Variants in PDE10A observed in about 807,000 individuals in gnomAD.
PDE10A encodes cAMP and cAMP-inhibited cGMP 3',5'-cyclic phosphodiesterase 10A.
Under a neutral mutation model 97.7 loss-of-function variants are expected in PDE10A, and 39 were observed. That is an observed-to-expected ratio of 0.40 (90% CI 0.31 to 0.52). The LOEUF (loss-of-function observed/expected upper bound fraction) is 0.52, where lower values mean the gene tolerates loss of function less well. Among genes scored for constraint, PDE10A ranks in the 20% least tolerant of loss-of-function variants. The probability of loss-of-function intolerance (pLI) is 0.56; values close to 1 mark genes in which losing one functional copy is unlikely to be tolerated. For synonymous variants in PDE10A, 371 were observed against 376.8 expected (o/e 0.98, Z 0.18); for missense variants, 731 against 1,047.8 (o/e 0.70, Z 4.17).
At chr6:165,478,408 GGA>G (rs928402371) in intron 3 of PDE10A, among the ~76,000 whole-genome samples, 7 of 152,230 alleles carry the variant, frequency 4.6e-5, no homozygotes, top group Admixed American at 2.6e-4. Flanking sequence ...ATGATGGGGG[GGA>G]GGGGGTTGGA....
intron 13 of PDE10A, among the ~76,000 whole-genome samples, chr6:165,412,194 G>A (rs1787911060): frequency 6.6e-6 from 1 of 151,916 alleles, no homozygotes; most frequent in Admixed American, 6.6e-5. Context: ...TTATCTTAGG[G>A]TAATTAATAA....
intron 1 of PDE10A, among the ~76,000 whole-genome samples, chr6:165,867,467 G>A (rs1781090380): frequency 6.6e-6 from 1 of 151,992 alleles, no homozygotes. Flanking sequence ...AATCAATTCA[G>A]CAAGAGGATG....
At chr6:165,712,631 C>CTT (rs71675206) in intron 1 of PDE10A, among the ~76,000 whole-genome samples, 2 of 88,948 alleles carry the variant, frequency 2.2e-5, no homozygotes, top group East Asian at 3.4e-4. Context: ...AACTTTCTTT[C>CTT]TTTTTTTTTT....
chr6:165,413,406 T>G (rs532010811), intron 13 of PDE10A, 95 bp downstream of exon 13: 20,227 of 688,466 alleles, frequency 0.029, 380 homozygotes, highest in South Asian at 0.048. Context: ...AAAGGAAATA[T>G]AAATGAAAAA....
intron 5 of PDE10A, among the ~76,000 whole-genome samples, chr6:165,445,497 G>A (rs185071661): frequency 6.0e-4 from 92 of 152,300 alleles, no homozygotes; most frequent in Non-Finnish European, 1.0e-3. Flanking sequence ...GCCTTTCTGT[G>A]AGGAAGTCTA....
intron 1 of PDE10A, among the ~76,000 whole-genome samples, chr6:165,769,707 G>C (rs753291746): frequency 6.6e-6 from 1 of 152,122 alleles, no homozygotes. Context: ...AATTGCCCGC[G>C]AACAAAGGCA....
intron 7 of PDE10A, among the ~76,000 whole-genome samples, chr6:165,432,058 T>C (rs1291760084): frequency 6.6e-6 from 1 of 152,194 alleles, no homozygotes; most frequent in Middle Eastern, 3.2e-3. Context: ...ATTCAACAAA[T>C]ATTCATGAGT....
At chr6:165,467,173 T>G (rs2128266204) in intron 3 of PDE10A, among the ~76,000 whole-genome samples, 1 of 152,310 alleles carries the variant, frequency 6.6e-6, no homozygotes, top group Admixed American at 6.5e-5. Context: ...TAGAGGTTAC[T>G]TCATGAGGTT....
intron 13 of PDE10A, among the ~76,000 whole-genome samples, chr6:165,407,280 C>G (rs147548153): frequency 6.6e-6 from 1 of 152,164 alleles, no homozygotes. Flanking sequence ...GAAGCCAGCA[C>G]ACTTAGCGAG....
At chr6:165,913,186 G>A (rs1348734295) in intron 1 of PDE10A, among the ~76,000 whole-genome samples, 1 of 151,808 alleles carries the variant, frequency 6.6e-6, no homozygotes, top group Non-Finnish European at 1.5e-5. Flanking sequence ...ATTTCATTAT[G>A]TATATGCAAA....
chr6:165,629,001 CATG>C (rs1240793701), intron 1 of PDE10A, among the ~76,000 whole-genome samples: 1 of 151,784 alleles, frequency 6.6e-6, no homozygotes, highest in Non-Finnish European at 1.5e-5. Context: ...TCCTTAATAT[CATG>C]ATTTTTATGG....
At chr6:165,921,790 G>C (rs544194364) in intron 1 of PDE10A, among the ~76,000 whole-genome samples, 1 of 152,288 alleles carries the variant, frequency 6.6e-6, no homozygotes, top group Admixed American at 6.5e-5. Context: ...AGAAGGGCAG[G>C]GCTACACCAC....
chr6:165,741,599 G>A (rs1377963168), intron 1 of PDE10A, among the ~76,000 whole-genome samples: 1 of 152,092 alleles, frequency 6.6e-6, no homozygotes, highest in Non-Finnish European at 1.5e-5. Flanking sequence ...CATGAATGAT[G>A]TTTTTTAAAA....
At chr6:165,612,984 T>A (rs1432475635) in intron 1 of PDE10A, among the ~76,000 whole-genome samples, 1 of 152,222 alleles carries the variant, frequency 6.6e-6, no homozygotes, top group East Asian at 1.9e-4. Flanking sequence ...GAAAATACAT[T>A]CAAATTTGAC....
At chr6:165,558,311 G>A (rs533967515) in intron 1 of PDE10A, among the ~76,000 whole-genome samples, 6 of 152,244 alleles carry the variant, frequency 3.9e-5, no homozygotes, top group East Asian at 1.9e-4. Context: ...GTAGGGACAC[G>A]GATGAAGCTG....
intron 1 of PDE10A, among the ~76,000 whole-genome samples, chr6:165,860,571 C>T (rs1780875375): frequency 6.6e-6 from 1 of 152,242 alleles, no homozygotes. Context: ...ACTGTTGGAC[C>T]TCAGGTCAGA....
intron 1 of PDE10A, among the ~76,000 whole-genome samples, chr6:165,764,067 C>T (rs917093276): frequency 8.5e-5 from 13 of 152,204 alleles, no homozygotes; most frequent in Admixed American, 3.3e-4. Flanking sequence ...TCACAAAATT[C>T]AATTCAGTAG....
Position 165,679,709 on chromosome 6 carries a change from C to G in PDE10A, c.-614-136141G>C, listed in dbSNP as rs114584533. 4.3e-3 allele frequency among the ~76,000 whole-genome samples: 661 copies of G among 152,322 alleles called. 5 individuals carry two copies. Among genetic ancestry groups the G allele is most frequent in the Admixed American group, 8.7e-3 (133 of 15,308 alleles). ...TTGCGACCTACAGAAACGGTTCAAG[C>G]CTCATCCATCGCTGTGATGTCTTTC... On this transcript the variant is annotated intron_variant, in intron 1 of 19. Coordinates refer to the PDE10A transcript ENST00000366882.
intron 1 of PDE10A, among the ~76,000 whole-genome samples, chr6:165,826,295 TGTCCGTCTTCA>T: frequency 1.9e-5 from 1 of 52,374 alleles, no homozygotes; most frequent in East Asian, 1.2e-3. Context: ...TCTGTCCCCA[TGTCCGTCTTCA>T]TGTCCCTCTG....
Sources: allele counts gnomAD v4.1 joint callset (sites outside exome capture counted in the v4.1 genomes callset), GRCh38; gene constraint gnomAD v4.1.1; transcripts MANE v1.5; gene names NCBI Gene and HGNC (gene_info 2026-07-23, HGNC 2026-07-21).